The following DGKZ variants were observed in gnomAD, a reference collection of about 807,000 sequenced individuals.
DGKZ encodes diacylglycerol kinase zeta.
DGKZ carries 45 observed loss-of-function variants against 142.5 expected under a neutral mutation model. The observed-to-expected ratio is 0.32, with a 90% CI of 0.25 to 0.40. The LOEUF (loss-of-function observed/expected upper bound fraction) is 0.40, where lower values mean the gene tolerates loss of function less well. DGKZ is among the 10% of genes least tolerant of loss of function. The pLI, the probability that DGKZ is intolerant of heterozygous loss-of-function variation, is 1.00. For synonymous variants in DGKZ, 442 were observed against 527.0 expected (o/e 0.84, Z 2.21); for missense variants, 755 against 1,306.5 (o/e 0.58, Z 6.51).
chr11:46,343,251 C>T (rs541806671), upstream of DGKZ, among the ~76,000 whole-genome samples: 1 of 152,288 alleles, frequency 6.6e-6, no homozygotes, highest in South Asian at 2.1e-4. Flanking sequence ...TGTTCAGGAA[C>T]TATTAGCCAT....
intron 26 of DGKZ, 41 bp from the exon 27 acceptor site, chr11:46,378,416 A>G (rs766773573): frequency 3.8e-6 from 6 of 1,566,334 alleles, no homozygotes. Flanking sequence ...ACCCAAGCCC[A>G]GGCCTCCGAC....
chr11:46,345,693 C>A, upstream of DGKZ: 2 of 1,144,494 alleles, frequency 1.7e-6, no homozygotes, highest in South Asian at 1.7e-5. The surrounding 1 kb of genome is among the most constrained non-coding windows in gnomAD (Gnocchi z 4.1). Context: ...TGTCATCCAG[C>A]ACTCTGCAGA....
chr11:46,378,095 CAAT>C, intron 25 of DGKZ, 100 bp from the exon 26 acceptor site: 1 of 1,434,472 alleles, frequency 7.0e-7, no homozygotes, highest in Middle Eastern at 1.7e-4. Flanking sequence ...AGCAGGCACT[CAAT>C]AAACTGTGGA....
chr11:46,371,466 C>T, intron 7 of DGKZ, 21 bp from the exon 8 acceptor site: 1 of 1,600,484 alleles, frequency 6.2e-7, no homozygotes, highest in Non-Finnish European at 8.5e-7. Flanking sequence ...CCCGCTGAGC[C>T]CGGCCCCTCG....
chr11:46,376,989 G>A, intron 24 of DGKZ, 84 bp from the exon 25 acceptor site: 1 of 1,262,604 alleles, frequency 7.9e-7, no homozygotes, highest in Non-Finnish European at 1.1e-6. Flanking sequence ...TCATGGCAGA[G>A]GCTTCTCCAG....
rs10838601 is a variant in DGKZ, at chr11:46,371,275, C to T, written c.571-38C>T. ...GAGAGGGGCTGGGTCTGCTGCTCCACGCCTGCCCTGGTTCCCATCCATCCT... is the reference window on the plus strand; with the variant it reads ...GAGAGGGGCTGGGTCTGCTGCTCCATGCCTGCCCTGGTTCCCATCCATCCT... On this transcript the variant is annotated intron_variant, in intron 6 of 30. Transcript: ENST00000527911. The T allele has an allele frequency of 1.9e-5, 31 of 1,601,124 alleles. No homozygotes were observed. In the South Asian group the frequency reaches 2.0e-4, roughly 10 times the overall value.
At chr11:46,379,179 T>G (rs1241798781) in intron 28 of DGKZ, 24 bp from the exon 29 acceptor site, 1 of 1,612,752 alleles carries the variant, frequency 6.2e-7, no homozygotes, top group South Asian at 1.1e-5. Flanking sequence ...CAGGCCTCTC[T>G]GACCACCACC....
chr11:46,340,887 G>A (rs952691299), intron 1 of DGKZ, among the ~76,000 whole-genome samples: 7 of 152,216 alleles, frequency 4.6e-5, no homozygotes, highest in African/African-American at 1.2e-4. Context: ...GGTGGCTCAC[G>A]CCTGTAATCC....
chr11:46,371,885 G>T (rs1480875999), intron 9 of DGKZ, 110 bp downstream of exon 9: 1 of 1,385,172 alleles, frequency 7.2e-7, no homozygotes, highest in African/African-American at 1.4e-5. Flanking sequence ...GGGGGTCTGT[G>T]TGGGCTCTGG....
intron 1 of DGKZ, chr11:46,365,397 A>G (rs1943134544): frequency 1.0e-6 from 1 of 985,282 alleles, no homozygotes; most frequent in Non-Finnish European, 1.2e-6. Flanking sequence ...CGAGCACCAG[A>G]AAGTTCTTAC....
chr11:46,342,109 A>G (rs1940306061), intron 1 of DGKZ, among the ~76,000 whole-genome samples: 2 of 152,174 alleles, frequency 1.3e-5, no homozygotes, highest in Non-Finnish European at 2.9e-5. Context: ...TGGGGCCTCA[A>G]CAAAGCCCAG....
chr11:46,378,963 C>A, intron 27 of DGKZ, 28 bp from the exon 28 acceptor site: 1 of 1,513,646 alleles, frequency 6.6e-7, no homozygotes, highest in Non-Finnish European at 8.8e-7. Context: ...CCCAGGAGGT[C>A]CAGCCCTGCC....
intron 1 of DGKZ, chr11:46,366,145 T>C (rs1270270015): frequency 7.1e-7 from 1 of 1,401,942 alleles, no homozygotes; most frequent in Non-Finnish European, 9.2e-7. Flanking sequence ...CCTGGTTGCT[T>C]CCCTTCTCAT....
chr11:46,378,476 T>G, exon 27 of DGKZ: 1 of 1,607,552 alleles, frequency 6.2e-7, no homozygotes, highest in Non-Finnish European at 8.5e-7. Context: ...TGATTGAGGC[T>G]GCCAAGAGGA....
At position 46,362,318 on chromosome 11, in the gene DGKZ, C is replaced by T. The variant is rs371362416; in HGVS notation, c.162-4973C>T. On this transcript the variant is annotated intron_variant, in intron 1 of 30. Transcript: ENST00000527911. ...CAACTCAGGGGGCCAGGCCTGGTAC[C>T]GGGTGCAGAGGGCATTCCTCATGGC... Among the ~76,000 whole-genome samples the T allele has an allele frequency of 5.9e-5, 9 of 152,280 alleles. No homozygotes were observed. The East Asian group carries it at 1.2e-3, about 20-fold the overall frequency.
At position 46,372,957 on chromosome 11, in the gene DGKZ, C is replaced by T. The variant is rs1462738727; in HGVS notation, c.1186-4C>T. On this transcript the variant is annotated splice_polypyrimidine_tract_variant and splice_region_variant and intron_variant, in intron 13 of 30. Transcript: ENST00000527911. The surrounding 1 kb of genome is among the most constrained non-coding windows in gnomAD (Gnocchi z 5.9). The stretch of plus-strand genomic sequence containing the variant: ...GAGGGCTCAGTCCCTGCCTGCTCCC[C>T]CAGGGCTACACAGATGAGCCTGTGT... 5 of 1,549,684 alleles carry T rather than the reference C, an allele frequency of 3.2e-6. No homozygotes were observed. The highest frequency in any genetic ancestry group is 2.0e-5 in the Admixed American group (1 of 51,152).
upstream of DGKZ, among the ~76,000 whole-genome samples, chr11:46,347,242 A>G (rs919029947): frequency 1.4e-4 from 21 of 152,112 alleles, no homozygotes; most frequent in Non-Finnish European, 2.1e-4. The surrounding 1 kb of genome is among the most constrained non-coding windows in gnomAD (Gnocchi z 6.4). Context: ...CGGGAGATTC[A>G]GTCCCATCCA....
In DGKZ at chr11:46,376,790, C is replaced by T. The variant is rs1387869269; in HGVS notation, c.2202+226C>T. 10 of 685,502 alleles carry T rather than the reference C, an allele frequency of 1.5e-5. No homozygotes were observed. In the East Asian group the frequency reaches 1.9e-4, roughly 13 times the overall value. 42.5% of individuals were successfully genotyped at this position (685,502 alleles called of 1,614,324 possible). A position where few individuals can be genotyped will look rare whatever the true frequency, so the allele number is the denominator to read the frequency against. On this transcript the variant is annotated intron_variant, in intron 24 of 30. Coordinates refer to ENST00000527911, the Ensembl canonical transcript of DGKZ. ...AAGGCAGTGGGGTACCTACCAAAGG[C>T]TTGCTGGGTGGGTAGGAGGGCCTGG...
rs775202934 is a variant in DGKZ at position 46,366,437 on chromosome 11, CTGAGTTGCGGGG to C, written c.162-849_162-838del. 7 of 1,548,670 alleles carry C rather than the reference CTGAGTTGCGGGG, an allele frequency of 4.5e-6. No homozygotes were observed. In the South Asian group the frequency reaches 8.4e-5, roughly 19 times the overall value. On this transcript the variant is annotated intron_variant, in intron 1 of 30. Coordinates refer to ENST00000527911, the Ensembl canonical transcript of DGKZ. The stretch of plus-strand genomic sequence containing the variant: ...CAGCGCCCAGCTCCAGGGCTGCCTC[CTGAGTTGCGGGG>C]TGAGGGCCCAGGGTTCCAGCCGCCG...
Sources: gnomAD v4.1 joint callset for allele counts (sites outside exome capture counted in the v4.1 genomes callset) on GRCh38, gnomAD v4.1.1 for gene constraint, Gnocchi (gnomAD v3.1) non-coding constraint, MANE v1.5 for transcripts, NCBI Gene and HGNC (gene_info 2026-07-23, HGNC 2026-07-21) for gene names.